CLEC16A: variants seen among roughly 807,000 people sequenced by gnomAD.
CLEC16A encodes C-type lectin domain containing 16A, also known as protein CLEC16A.
In CLEC16A, 51 loss-of-function variants were observed where a neutral mutation model predicts 109.5. The observed-to-expected ratio is 0.47, with a 90% confidence interval of 0.37 to 0.59. CLEC16A has a LOEUF of 0.59. Among genes scored for constraint, CLEC16A ranks in the 20% least tolerant of loss-of-function variants. The probability of loss-of-function intolerance (pLI) is 0.00; values close to 1 mark genes in which losing one functional copy is unlikely to be tolerated. For synonymous variants in CLEC16A, 673 were observed against 564.2 expected (o/e 1.19, Z -2.73); for missense variants, 1,339 against 1,394.0 (o/e 0.96, Z 0.63).
chr16:11,135,380 C>A (rs1317222470), intron 22 of CLEC16A, among the ~76,000 whole-genome samples: 1 of 152,220 alleles, frequency 6.6e-6, no homozygotes. Context: ...TTTCCCCACT[C>A]ACAACATGCC....
At chr16:11,033,419 G>A (rs1437251751) in intron 13 of CLEC16A, among the ~76,000 whole-genome samples, 1 of 152,206 alleles carries the variant, frequency 6.6e-6, no homozygotes, top group Non-Finnish European at 1.5e-5. Flanking sequence ...AGAAGAAACG[G>A]AAAAGTTCAA....
At chr16:11,035,381 AT>A (rs2046963040) in intron 13 of CLEC16A, among the ~76,000 whole-genome samples, 1 of 152,224 alleles carries the variant, frequency 6.6e-6, no homozygotes, top group Admixed American at 6.5e-5. Flanking sequence ...TAAAAAATTA[AT>A]TCAGCAAAAA....
chr16:11,109,713 A>G (rs1372168371), intron 19 of CLEC16A, among the ~76,000 whole-genome samples: 4 of 152,180 alleles, frequency 2.6e-5, no homozygotes, highest in South Asian at 2.1e-4. Flanking sequence ...CAGGTGTCCT[A>G]TCAGCTGTGG....
At position 10,971,458 on chromosome 16, in the gene CLEC16A, A is replaced by G. The variant is rs1025590198; in HGVS notation, c.598+228A>G. 6 of 682,590 alleles carry G rather than the reference A, an allele frequency of 8.8e-6. No homozygotes were observed. The African/African-American group carries it at 1.2e-4, about 13-fold the overall frequency. 42.3% of individuals were successfully genotyped at this position (682,590 alleles called of 1,614,324 possible). ...CGAAGTCTTGCTCATGCTGCTACAT[A>G]GAAGTAGGATGTCCTGAGAGGCACG... On this transcript the variant is annotated intron_variant, in intron 5 of 23. Coordinates refer to ENST00000409790, the MANE Select transcript of CLEC16A (RefSeq NM_015226.3).
At chr16:10,969,066 C>G (rs1167437407) in intron 3 of CLEC16A, 95 bp from the exon 4 acceptor site, 9 of 1,031,810 alleles carry the variant, frequency 8.7e-6, no homozygotes, top group Non-Finnish European at 1.3e-5. Context: ...CAGAGGCTTA[C>G]CTGATTCAAG....
intron 19 of CLEC16A, among the ~76,000 whole-genome samples, chr16:11,100,565 C>T (rs2050858766): frequency 6.6e-6 from 1 of 152,154 alleles, no homozygotes; most frequent in African/African-American, 2.4e-5. Flanking sequence ...GGACCTGACT[C>T]ACTTGGGCAT....
intron 22 of CLEC16A, among the ~76,000 whole-genome samples, chr16:11,144,739 A>G (rs1271214449): frequency 1.3e-5 from 2 of 152,220 alleles, no homozygotes; most frequent in Non-Finnish European, 2.9e-5. Flanking sequence ...CGTTGGTGAC[A>G]TTCTCTTCTG....
At chr16:11,176,212 C>T (rs1256831193) in intron 23 of CLEC16A, among the ~76,000 whole-genome samples, 1 of 152,262 alleles carries the variant, frequency 6.6e-6, no homozygotes, top group African/African-American at 2.4e-5. Context: ...CCCAGCACCG[C>T]AAGCCATCCT....
At chr16:10,945,467 T>C (rs985659207) in intron 1 of CLEC16A, among the ~76,000 whole-genome samples, 1 of 152,152 alleles carries the variant, frequency 6.6e-6, no homozygotes, top group African/African-American at 2.4e-5. Flanking sequence ...GGAATGACTC[T>C]ACAGCTCTGG....
intron 22 of CLEC16A, among the ~76,000 whole-genome samples, chr16:11,160,086 C>T (rs1338594019): frequency 6.6e-6 from 1 of 152,154 alleles, no homozygotes. Flanking sequence ...CCCCTATAAT[C>T]TCAGGTAGTT....
intron 13 of CLEC16A, chr16:11,027,297 C>T (rs1286566280): frequency 2.9e-5 from 44 of 1,533,720 alleles, no homozygotes; most frequent in South Asian, 1.3e-4. Context: ...CTTTGTTGTA[C>T]GCATCGAAAG....
intron 22 of CLEC16A, among the ~76,000 whole-genome samples, chr16:11,133,064 C>T (rs1187283750): frequency 6.6e-6 from 1 of 152,170 alleles, no homozygotes; most frequent in Non-Finnish European, 1.5e-5. Context: ...TCCCAGCTTC[C>T]TACTGGGTTT....
chr16:11,128,427 C>T lies in CLEC16A; in HGVS notation c.2641+2281C>T, dbSNP rs540290964. ...GATGCCCCATGTCCTGTTGCTGGTC[C>T]CAGGGTCAGCAAGTGTGAGGCTGTG... On this transcript the variant is annotated intron_variant, in intron 22 of 23. Transcript: ENST00000409790. Among the ~76,000 whole-genome samples the T allele has an allele frequency of 3.3e-5, 5 of 152,194 alleles. No homozygotes were observed. In the South Asian group the frequency reaches 8.3e-4, roughly 25 times the overall value.
chr16:11,169,602 T>G (rs978286963), intron 23 of CLEC16A, among the ~76,000 whole-genome samples: 1 of 152,204 alleles, frequency 6.6e-6, no homozygotes, highest in Non-Finnish European at 1.5e-5. Flanking sequence ...TTGCACACTT[T>G]GCATGGCCAG....
intron 22 of CLEC16A, among the ~76,000 whole-genome samples, chr16:11,152,472 G>A (rs572101111): frequency 7.2e-5 from 11 of 152,166 alleles, no homozygotes; most frequent in African/African-American, 2.4e-4. Flanking sequence ...GAGGAATGAC[G>A]GGGGGCCCAA....
At chr16:11,168,681 A>G (rs1034354774) in intron 23 of CLEC16A, among the ~76,000 whole-genome samples, 17 of 152,194 alleles carry the variant, frequency 1.1e-4, no homozygotes, top group African/African-American at 3.6e-4. Flanking sequence ...CCAGCCTGCA[A>G]TCTCCCTCCC....
chr16:11,083,152 T>TTG (rs571453212), intron 19 of CLEC16A, among the ~76,000 whole-genome samples: 1,246 of 88,570 alleles, frequency 0.014, 15 homozygotes, highest in African/African-American at 0.06. Flanking sequence ...GTTGTTGTTG[T>TTG]TTGTTTGTTT....
chr16:11,055,286 AGGAGCGC>A (rs1422823438), intron 18 of CLEC16A, among the ~76,000 whole-genome samples: 1 of 152,242 alleles, frequency 6.6e-6, no homozygotes, highest in Non-Finnish European at 1.5e-5. Flanking sequence ...CCAGGGGCTG[AGGAGCGC>A]TCCTCCTGCA....
At chr16:11,002,899 A>G (rs1462687769) in intron 10 of CLEC16A, among the ~76,000 whole-genome samples, 175 bp from the exon 11 acceptor site, 4 of 152,026 alleles carry the variant, frequency 2.6e-5, no homozygotes, top group African/African-American at 9.7e-5. Context: ...GGCCGATTCC[A>G]TGTCTTTGCT....
Sources: allele counts gnomAD v4.1 joint callset (sites outside exome capture counted in the v4.1 genomes callset), GRCh38; gene constraint gnomAD v4.1.1; transcripts MANE v1.5; gene names NCBI Gene and HGNC (gene_info 2026-07-23, HGNC 2026-07-21).